PROM1: variants seen among roughly 807,000 people sequenced by gnomAD.
The protein encoded by PROM1 is prominin 1, also known as prominin-1.
PROM1 carries 105 observed loss-of-function variants against 116.9 expected under a neutral mutation model. The ratio of observed to expected loss-of-function variants is 0.90; its 90% CI spans 0.77 to 1.06. The LOEUF (loss-of-function observed/expected upper bound fraction) is 1.06. Among genes scored for constraint, PROM1 ranks in the 50% least tolerant of loss-of-function variants. PROM1 has a pLI of 0.00. For synonymous variants in PROM1, 393 were observed against 387.0 expected, an observed-to-expected ratio of 1.02 and a Z score of -0.18; for missense variants, 1,122 against 1,045.2, an observed-to-expected ratio of 1.07 and a Z score of -1.01.
In PROM1 at chr4:16,016,147, A is replaced by G; in HGVS notation, c.1077+19T>C. 1.9e-6 allele frequency: 3 copies of G among 1,542,344 alleles called. No individual in the cohort carries two copies. In the South Asian group the frequency reaches 3.6e-5, roughly 18 times the overall value. On this transcript the variant is annotated intron_variant, in intron 10 of 27. Transcript: ENST00000447510. ...AAAATGATATAAAATCAGTGATTGT[A>G]TTTTTTCCAAAAGCATACCTGTTGG...
chr4:16,045,163 A>T lies in PROM1; in HGVS notation c.221-6162T>A, dbSNP rs140125061. Among the ~76,000 whole-genome samples the T allele has an allele frequency of 1.4e-4, 21 of 151,996 alleles. No homozygotes were observed. In the East Asian group the frequency reaches 4.1e-3, roughly 29 times the overall value. On this transcript the variant is annotated intron_variant, in intron 2 of 27. Coordinates refer to ENST00000447510, the MANE Select transcript of PROM1 (RefSeq NM_006017.3). ...TCTGTGTGTTGCCTCTTCCTCCTTG[A>T]CCCACAGCCCGACTCTATTCCCCAG...
At position 15,987,672 on chromosome 4, in the gene PROM1, A is replaced by G; in HGVS notation, c.2121T>C (p.Asn707=). 6.2e-7 allele frequency: 1 copy of G among 1,611,584 alleles called. No homozygotes were observed. The change falls in exon 20 of 28, where the codon AAT becomes AAC. Residue 707 remains asparagine (N), a synonymous_variant. Coordinates refer to ENST00000447510, the MANE Select transcript of PROM1 (RefSeq NM_006017.3). ...QSVKILQRTG[N]GLLERVTRIL... is the part of the protein sequence containing the mutation. ...CAAAGTAAACCCTTACCAACAATCC[A>G]TTCCCTGTGCGTTGAAGTATCTTGA... is the stretch of plus-strand genomic sequence containing the variant.
chr4:16,053,079 T>C (rs1738244958), intron 2 of PROM1, among the ~76,000 whole-genome samples: 1 of 152,232 alleles, frequency 6.6e-6, no homozygotes, highest in Admixed American at 6.5e-5. Context: ...AAAAGTGTCA[T>C]AACAATGCGA....
intron 2 of PROM1, among the ~76,000 whole-genome samples, chr4:16,070,349 T>G (rs1166740219): frequency 6.6e-6 from 1 of 152,180 alleles, no homozygotes; most frequent in African/African-American, 2.4e-5. Flanking sequence ...TGACTGATTA[T>G]TTCAGGTTAC....
Position 15,998,451 on chromosome 4 carries a change from TC to T in PROM1, c.1615del (p.Glu539AsnfsTer14). The T allele has an allele frequency of 6.2e-7, 1 of 1,608,838 alleles. No individual in the cohort carries two copies. The highest frequency in any genetic ancestry group is 1.7e-5 in the Admixed American group (1 of 58,784). On this transcript the variant is annotated frameshift_variant, in exon 15 of 28. Coordinates refer to ENST00000447510, the MANE Select transcript of PROM1 (RefSeq NM_006017.3). LOFTEE classifies it high-confidence loss of function. Reference sequence around the variant, plus strand: ...AAATAGCTTCCCAGAGAGATAGTATTCCCAGTCTTCATTTAGTAAGTAGGGT... The same window carrying T: ...AAATAGCTTCCCAGAGAGATAGTATTCCAGTCTTCATTTAGTAAGTAGGGT... ...DTPYLLNEDWEYYLSGKLFNK... is the reference protein window; with the variant it reads ...DTPYLLNEDWXYYLSGKLFNK...
Position 16,016,221 on chromosome 4 carries a change from T to A in PROM1, c.1022A>T (p.Glu341Val). Residue 341 changes from glutamate to valine, a missense_variant, in exon 10 of 28, where the codon GAA (glutamate) becomes GTA (valine). Physicochemically the swap from Glu to Val is moderately radical, Grantham distance 121. Transcript: ENST00000447510. ...AAGAACGTTATTAACGTTGTCAAGT[T>A]CTGCATCCACGGGTGGAAGCTGAAA... Reference protein sequence around the residue: ...ELRQLPPVDAELDNVNNVLRT... With the variant: ...ELRQLPPVDAVLDNVNNVLRT... The A allele has an allele frequency of 6.4e-7, 1 of 1,553,324 alleles. No homozygotes were observed. Among genetic ancestry groups the A allele is most frequent in the Non-Finnish European group, 8.7e-7 (1 of 1,147,826 alleles).
chr4:16,029,743 A>G (rs1032345740), intron 5 of PROM1, among the ~76,000 whole-genome samples: 1 of 152,232 alleles, frequency 6.6e-6, no homozygotes, highest in African/African-American at 2.4e-5. Context: ...TAATTGTAAT[A>G]TTTTGAGCCA....
At chr4:16,053,042 A>T (rs1224724595) in intron 2 of PROM1, among the ~76,000 whole-genome samples, 1 of 152,248 alleles carries the variant, frequency 6.6e-6, no homozygotes, top group Non-Finnish European at 1.5e-5. Flanking sequence ...ATATTTGAGA[A>T]ATGTAAATAT....
chr4:15,992,094 C>G (rs544285275), intron 17 of PROM1, among the ~76,000 whole-genome samples, 154 bp downstream of exon 17: 2 of 152,214 alleles, frequency 1.3e-5, no homozygotes, highest in African/African-American at 4.8e-5. Context: ...TTGTGCAGCA[C>G]TGTGAATGTA....
At chr4:16,041,130 T>G (rs1253261901) in intron 2 of PROM1, among the ~76,000 whole-genome samples, 1 of 152,188 alleles carries the variant, frequency 6.6e-6, no homozygotes, top group Admixed American at 6.5e-5. Context: ...TTGCTTTTTT[T>G]GTTGTGTTGA....
intron 13 of PROM1, among the ~76,000 whole-genome samples, chr4:16,004,835 TCCTTCCTTC>T (rs1560460106): frequency 2.1e-4 from 13 of 62,040 alleles, no homozygotes; most frequent in Admixed American, 7.5e-4. Flanking sequence ...TTCTTTTTCT[TCCTTCCTTC>T]CTTCCTTCCT....
At chr4:16,019,745 C>A (rs777055848) in intron 8 of PROM1, among the ~76,000 whole-genome samples, 121 of 152,228 alleles carry the variant, frequency 7.9e-4, no homozygotes, top group Non-Finnish European at 1.6e-3. Flanking sequence ...CTGTGGTTCA[C>A]AGAACAGATG....
chr4:16,007,939 G>A (rs73798805), intron 12 of PROM1, among the ~76,000 whole-genome samples: 24,090 of 152,032 alleles, frequency 0.16, 2,207 homozygotes, highest in African/African-American at 0.25. Context: ...TACCTCTGCC[G>A]TATGCTAGCT....
intron 13 of PROM1, among the ~76,000 whole-genome samples, chr4:16,002,601 A>G (rs1303402753): frequency 6.6e-6 from 1 of 152,226 alleles, no homozygotes; most frequent in Admixed American, 6.5e-5. Context: ...TGTTCATTGG[A>G]AAGGCCTAGG....
chr4:16,073,477 C>T (rs919613326), intron 2 of PROM1, among the ~76,000 whole-genome samples: 1 of 152,084 alleles, frequency 6.6e-6, no homozygotes, highest in Admixed American at 6.6e-5. Context: ...ACCCAGTGGG[C>T]ACTTTAAGAC....
chr4:16,066,864 C>T (rs1741656198), intron 2 of PROM1, among the ~76,000 whole-genome samples: 1 of 152,224 alleles, frequency 6.6e-6, no homozygotes, highest in Non-Finnish European at 1.5e-5. Context: ...GGAAGCTTTG[C>T]TTCTGGTGTC....
At chr4:16,000,101 G>A (rs1206232959) in intron 14 of PROM1, among the ~76,000 whole-genome samples, 1 of 152,108 alleles carries the variant, frequency 6.6e-6, no homozygotes, top group African/African-American at 2.4e-5. Context: ...GGACACCTCT[G>A]TCACCTGGGA....
intron 13 of PROM1, among the ~76,000 whole-genome samples, chr4:16,004,174 G>A (rs1488110445): frequency 3.3e-5 from 5 of 152,292 alleles, no homozygotes; most frequent in South Asian, 4.1e-4. Context: ...ACAGCAAAGC[G>A]TGCCATGCTG....
intron 8 of PROM1, among the ~76,000 whole-genome samples, chr4:16,019,103 T>C (rs956812238): frequency 2.0e-5 from 3 of 152,176 alleles, no homozygotes; most frequent in South Asian, 2.1e-4. Context: ...CTTCAAGTAC[T>C]GAAACACCAC....
Sources: allele counts gnomAD v4.1 joint callset (sites outside exome capture counted in the v4.1 genomes callset), GRCh38; gene constraint gnomAD v4.1.1; transcripts MANE v1.5; gene names NCBI Gene and HGNC (gene_info 2026-07-23, HGNC 2026-07-21).